Variants in MYT1L observed in about 807,000 individuals in gnomAD.
MYT1L encodes myelin transcription factor 1 like, also known as myelin transcription factor 1-like protein.
MYT1L carries 12 observed loss-of-function variants against 126.7 expected under a neutral mutation model. That is an observed-to-expected ratio of 0.09 (90% CI 0.06 to 0.15). The LOEUF is 0.15. Among genes scored for constraint, MYT1L ranks in the 10% least tolerant of loss-of-function variants. MYT1L has a pLI of 1.00. For missense variants in MYT1L, 979 were observed against 1,585.2 expected (o/e 0.62, Z 6.49); for synonymous variants, 541 against 604.2 (o/e 0.90, Z 1.53).
At chr2:2,257,239 T>C (rs2094839804) in intron 2 of MYT1L, among the ~76,000 whole-genome samples, 1 of 152,164 alleles carries the variant, frequency 6.6e-6, no homozygotes, top group African/African-American at 2.4e-5. Context: ...GAGTGAAAAT[T>C]AATTCAGGTG....
At chr2:1,809,264 G>C in intron 21 of MYT1L, 97 bp from the exon 22 acceptor site, 1 of 1,195,582 alleles carries the variant, frequency 8.4e-7, no homozygotes, top group Non-Finnish European at 1.2e-6. Context: ...GCATTATTAG[G>C]TTGGTTGCCA....
intron 4 of MYT1L, among the ~76,000 whole-genome samples, chr2:2,004,177 GCCT>G (rs1436063101): frequency 6.7e-6 from 1 of 149,592 alleles, no homozygotes; most frequent in African/African-American, 2.5e-5. Context: ...TTTCCTGCGT[GCCT>G]CCTTTCCTGC....
At chr2:2,282,136 C>T (rs1015759532) in intron 2 of MYT1L, among the ~76,000 whole-genome samples, 7 of 152,244 alleles carry the variant, frequency 4.6e-5, no homozygotes, top group Admixed American at 4.6e-4. Context: ...GTATCAGAGA[C>T]TCAATATAAG....
chr2:1,861,746 A>T (rs537448264), intron 18 of MYT1L, among the ~76,000 whole-genome samples: 2 of 152,096 alleles, frequency 1.3e-5, no homozygotes, highest in African/African-American at 4.8e-5. Flanking sequence ...CAGCCTGTGT[A>T]ATCCTGGATA....
At chr2:2,249,324 A>G (rs2094592433) in intron 2 of MYT1L, among the ~76,000 whole-genome samples, 1 of 151,990 alleles carries the variant, frequency 6.6e-6, no homozygotes, top group Non-Finnish European at 1.5e-5. Context: ...AAGAAGTGAA[A>G]TATCTCTATA....
At chr2:2,018,569 C>T (rs903628959) in intron 4 of MYT1L, among the ~76,000 whole-genome samples, 7 of 152,228 alleles carry the variant, frequency 4.6e-5, no homozygotes, top group Admixed American at 4.6e-4. Context: ...GGCCAGGCCG[C>T]TCATCGGATT....
At chr2:1,883,015 G>A (rs867418451) in intron 18 of MYT1L, among the ~76,000 whole-genome samples, 7 of 152,298 alleles carry the variant, frequency 4.6e-5, no homozygotes, top group Middle Eastern at 3.4e-3. Flanking sequence ...ACTACTGCGC[G>A]TACGGGACCA....
At chr2:2,240,783 G>A (rs777879771) in intron 2 of MYT1L, among the ~76,000 whole-genome samples, 17 of 152,314 alleles carry the variant, frequency 1.1e-4, no homozygotes, top group Admixed American at 3.9e-4. Flanking sequence ...CCAGCCCCGC[G>A]TGCCAGCGGC....
At chr2:2,217,699 ACAACAAC>A (rs1559366959) in intron 2 of MYT1L, among the ~76,000 whole-genome samples, 9 of 102,850 alleles carry the variant, frequency 8.8e-5, no homozygotes, top group African/African-American at 3.2e-4. Context: ...AACAACAACA[ACAACAAC>A]AAAAAAAAAA....
intron 4 of MYT1L, among the ~76,000 whole-genome samples, chr2:2,032,746 G>T (rs1429207052): frequency 2.4e-5 from 2 of 85,040 alleles, no homozygotes; most frequent in Non-Finnish European, 4.5e-5. Context: ...CACACCCGTC[G>T]CCAGTGCCTC....
At chr2:1,915,545 TA>T (rs1420842407) in intron 11 of MYT1L, among the ~76,000 whole-genome samples, 2 of 152,352 alleles carry the variant, frequency 1.3e-5, no homozygotes, top group Middle Eastern at 6.8e-3. Context: ...GTAGGTCTTA[TA>T]AAACACATAA....
At chr2:2,322,161 T>G (rs76295933) in intron 1 of MYT1L, among the ~76,000 whole-genome samples, 1 of 139,380 alleles carries the variant, frequency 7.2e-6, no homozygotes, top group South Asian at 2.2e-4. Context: ...TATTTACCTG[T>G]TTTTTTTTTT....
intron 19 of MYT1L, among the ~76,000 whole-genome samples, chr2:1,847,189 C>G (rs1027843744): frequency 6.6e-6 from 1 of 152,128 alleles, no homozygotes; most frequent in African/African-American, 2.4e-5. Flanking sequence ...TCTCTGTGCC[C>G]GCGCATCTTC....
chr2:1,799,589 G>A (rs1218912665), intron 23 of MYT1L, among the ~76,000 whole-genome samples: 6 of 152,250 alleles, frequency 3.9e-5, no homozygotes, highest in Non-Finnish European at 8.8e-5. Context: ...GGTTGCCCCA[G>A]TAGACCATGG....
intron 8 of MYT1L, among the ~76,000 whole-genome samples, chr2:1,949,488 C>T (rs980047903): frequency 6.6e-6 from 1 of 152,170 alleles, no homozygotes; most frequent in South Asian, 2.1e-4. Flanking sequence ...GTGTCAACAA[C>T]TTCCAGTTTT....
Position 1,979,017 on chromosome 2 carries a change from A to G in MYT1L, c.152+148T>C, listed in dbSNP as rs2060391973. On this transcript the variant is annotated intron_variant, in intron 8 of 24. Transcript: ENST00000647738. The surrounding 1 kb of genome is among the most constrained non-coding windows in gnomAD (Gnocchi z 4.0). ...GTTTTGAGAACCCTTTCAAGAGACA[A>G]AGACTGAGTTCCAGTGTGAGAAGAA... The G allele has an allele frequency of 1.5e-6, 1 of 668,942 alleles. No homozygotes were observed. Among genetic ancestry groups the G allele is most frequent in the Non-Finnish European group, 2.6e-6 (1 of 382,328 alleles). The allele number at this position is 668,942 out of a possible 1,614,324, so 41.4% of individuals were successfully genotyped here.
intron 2 of MYT1L, among the ~76,000 whole-genome samples, chr2:2,264,338 G>A (rs1027051667): frequency 6.6e-6 from 1 of 152,002 alleles, no homozygotes; most frequent in East Asian, 1.9e-4. Context: ...TTATTTGTGC[G>A]TATACAGAAC....
chr2:1,884,278 G>A (rs2047918462), intron 18 of MYT1L, among the ~76,000 whole-genome samples: 3 of 152,192 alleles, frequency 2.0e-5, no homozygotes, highest in Admixed American at 6.5e-5. Flanking sequence ...TTAATATCAC[G>A]ATGTTAATCA....
At chr2:1,947,445 C>T (rs1008876737) in intron 8 of MYT1L, among the ~76,000 whole-genome samples, 19 of 152,214 alleles carry the variant, frequency 1.2e-4, no homozygotes, top group South Asian at 2.1e-4. Flanking sequence ...GCTAGGAGGA[C>T]GTTTGAGAGG....
Sources: allele counts gnomAD v4.1 joint callset (sites outside exome capture counted in the v4.1 genomes callset), GRCh38; gene constraint gnomAD v4.1.1; non-coding constraint Gnocchi (gnomAD v3.1); transcripts MANE v1.5; gene names NCBI Gene and HGNC (gene_info 2026-07-23, HGNC 2026-07-21).